Variants in RER1 observed in about 807,000 individuals in gnomAD.
RER1 encodes retention in endoplasmic reticulum sorting receptor 1.
Under a neutral mutation model 28.3 loss-of-function variants are expected in RER1, and 6 were observed. The ratio of observed to expected loss-of-function variants is 0.21; its 90% CI spans 0.12 to 0.42. The LOEUF (loss-of-function observed/expected upper bound fraction) is 0.42. Among genes scored for constraint, RER1 ranks in the 10% least tolerant of loss-of-function variants. The pLI, the probability that RER1 is intolerant of heterozygous loss-of-function variation, is 1.00. For missense variants in RER1, 159 were observed against 252.9 expected, an observed-to-expected ratio of 0.63 and a Z score of 2.52; for synonymous variants, 110 against 95.9, an observed-to-expected ratio of 1.15 and a Z score of -0.86.
intron 3 of RER1, among the ~76,000 whole-genome samples, 188 bp from the exon 4 acceptor site, chr1:2,399,227 A>G (rs987332226): frequency 2.6e-5 from 4 of 152,202 alleles, no homozygotes; most frequent in African/African-American, 9.7e-5. Context: ...CCCACAGAGT[A>G]TAATTTGAGA....
chr1:2,400,433 G>A (rs116728513), intron 4 of RER1, among the ~76,000 whole-genome samples: 13 of 152,370 alleles, frequency 8.5e-5, no homozygotes, highest in Non-Finnish European at 1.8e-4. Context: ...TGGGGGAGGC[G>A]GGGTGAGAGT....
intron 4 of RER1, among the ~76,000 whole-genome samples, chr1:2,400,498 C>T (rs968238738): frequency 4.3e-4 from 66 of 152,224 alleles, no homozygotes; most frequent in Non-Finnish European, 1.3e-4. Context: ...CCACGGTCAG[C>T]GCATCCTCGG....
At position 2,404,388 on chromosome 1, in the gene RER1, T is replaced by C. The variant is rs1041526270; in HGVS notation, c.*1264T>C. On this transcript the variant is annotated 3_prime_UTR_variant, in exon 7 of 7. Coordinates refer to ENST00000605895, the MANE Select transcript of RER1 (RefSeq NM_007033.5). ...ATTCTCAGACTGTGGACAGGAGTGT[T>C]TGTCATTTTTCATACTGTTTTCTTA... 6.6e-6 allele frequency: 1 copy of C among 152,234 alleles called. No individual in the cohort carries two copies. Among genetic ancestry groups the C allele is most frequent in the Non-Finnish European group, 1.5e-5 (1 of 68,044 alleles). The allele number at this position is 152,234 out of a possible 1,614,324, so 9.4% of individuals were successfully genotyped here.
At chr1:2,397,510 T>G (rs573602521) in intron 3 of RER1, among the ~76,000 whole-genome samples, 220 of 151,814 alleles carry the variant, frequency 1.4e-3, no homozygotes, top group Non-Finnish European at 2.7e-3. Flanking sequence ...GCCGCTGGTG[T>G]CCCTCCGACC....
At chr1:2,398,316 G>A (rs143663253) in intron 3 of RER1, among the ~76,000 whole-genome samples, 25 of 152,364 alleles carry the variant, frequency 1.6e-4, no homozygotes, top group African/African-American at 5.8e-4. Context: ...CACATCTGGC[G>A]TTCAGCCGTC....
At chr1:2,398,214 C>G (rs941938694) in intron 3 of RER1, among the ~76,000 whole-genome samples, 1 of 151,406 alleles carries the variant, frequency 6.6e-6, no homozygotes, top group Middle Eastern at 3.2e-3. Context: ...CCCTCACATC[C>G]GGCGTTCAGC....
chr1:2,400,965 G>T (rs762623581), intron 5 of RER1, 30 bp downstream of exon 5: 1 of 1,565,582 alleles, frequency 6.4e-7, no homozygotes. Context: ...TATTTGAAGA[G>T]AATTGTGCTC....
chr1:2,398,811 T>C (rs181318040), intron 3 of RER1, among the ~76,000 whole-genome samples: 142 of 152,370 alleles, frequency 9.3e-4, no homozygotes, highest in Non-Finnish European at 1.6e-3. Context: ...GCCAAAATTC[T>C]CCCCACTTTT....
intron 5 of RER1, 69 bp downstream of exon 5, chr1:2,401,004 A>C (rs1016523780): frequency 2.4e-4 from 325 of 1,364,378 alleles, no homozygotes; most frequent in Middle Eastern, 1.1e-3. Flanking sequence ...GACTACACTG[A>C]TTTTTGTTCA....
chr1:2,402,722 C>T (rs1642888248), intron 6 of RER1, among the ~76,000 whole-genome samples: 2 of 152,224 alleles, frequency 1.3e-5, no homozygotes, highest in African/African-American at 4.8e-5. Context: ...ACGGTGTGGC[C>T]TTCGTGCTGC....
intron 1 of RER1, among the ~76,000 whole-genome samples, chr1:2,392,184 C>A (rs1041041848): frequency 1.3e-5 from 2 of 151,582 alleles, no homozygotes; most frequent in African/African-American, 4.8e-5. Context: ...TGCGGCGGAG[C>A]CCTGGGGCCT....
At chr1:2,395,524 C>G (rs1642756728) in intron 1 of RER1, 1 of 471,482 alleles carries the variant, frequency 2.1e-6, no homozygotes, top group Non-Finnish European at 3.9e-6. Context: ...CCCGCCCACG[C>G]AGGTGACTGA....
intron 5 of RER1, among the ~76,000 whole-genome samples, chr1:2,401,252 T>TTCCTCCCTCCTCCTCCTCCCTCCCCC (rs1553230152): frequency 1.6e-5 from 1 of 62,236 alleles, no homozygotes. Context: ...TCCTCCCTCC[T>TTCCTCCCTCCTCCTCCTCCCTCCCCC]TCCTCCCTCC....
chr1:2,395,457 C>T, intron 1 of RER1: 2 of 353,028 alleles, frequency 5.7e-6, no homozygotes, highest in Middle Eastern at 9.2e-4. Flanking sequence ...TGCCATGGAC[C>T]AGCCAGTGGA....
In RER1 at chr1:2,402,972, G is replaced by A; in HGVS notation, c.502-63G>A. ...GGGGGACCTTTGGCCGCTCAGATTT[G>A]GGGACAGTGTGACTGACTGGAGAGC... On this transcript the variant is annotated intron_variant, in intron 6 of 6. Transcript: ENST00000605895. 2.2e-6 allele frequency: 3 copies of A among 1,384,144 alleles called. No individual in the cohort carries two copies. In the East Asian group the frequency reaches 6.9e-5, roughly 32 times the overall value. 85.7% of individuals were successfully genotyped at this position (1,384,144 alleles called of 1,614,324 possible).
chr1:2,395,551 T>C, intron 1 of RER1: 3 of 519,448 alleles, frequency 5.8e-6, no homozygotes, highest in Non-Finnish European at 1.0e-5. Flanking sequence ...AGTGTGGGAA[T>C]GAAAATGCGG....
At chr1:2,402,766 GA>G (rs1415542225) in intron 6 of RER1, among the ~76,000 whole-genome samples, 1 of 152,232 alleles carries the variant, frequency 6.6e-6, no homozygotes, top group African/African-American at 2.4e-5. Context: ...GTTGGCTGCA[GA>G]GAGGGCCCTG....
At chr1:2,397,852 C>T (rs1017246074) in intron 3 of RER1, among the ~76,000 whole-genome samples, 1 of 152,158 alleles carries the variant, frequency 6.6e-6, no homozygotes, top group Admixed American at 6.5e-5. Context: ...GATGGGAATT[C>T]TTCGTCGGTC....
rs370526635 is a variant in RER1, at chr1:2,403,160, C to G, written c.*36C>G. On this transcript the variant is annotated 3_prime_UTR_variant, in exon 7 of 7. Coordinates refer to ENST00000605895, the MANE Select transcript of RER1 (RefSeq NM_007033.5). ...GAGGCTGCCTCACGTGTTGCAAGAA[C>G]AGTTTTGAGCCATTGTTAACAATGC... 21 of 1,519,526 alleles carry G rather than the reference C, an allele frequency of 1.4e-5. No homozygotes were observed. The highest frequency in any genetic ancestry group is 1.7e-4 in the Middle Eastern group (1 of 5,904). The allele number at this position is 1,519,526 out of a possible 1,614,324, so 94.1% of individuals were successfully genotyped here. A position where few individuals can be genotyped will look rare whatever the true frequency, so the allele number is the denominator to read the frequency against.
Sources: allele counts gnomAD v4.1 joint callset (sites outside exome capture counted in the v4.1 genomes callset), GRCh38; gene constraint gnomAD v4.1.1; transcripts MANE v1.5; gene names NCBI Gene and HGNC (gene_info 2026-07-23, HGNC 2026-07-21).